MTUS2: variants seen among roughly 807,000 people sequenced by gnomAD.
MTUS2 encodes microtubule-associated tumor suppressor candidate 2.
MTUS2 carries 40 observed loss-of-function variants against 114.1 expected under a neutral mutation model. The observed-to-expected ratio is 0.35, with a 90% CI of 0.27 to 0.46. The LOEUF (loss-of-function observed/expected upper bound fraction) is 0.46, where lower values mean the gene tolerates loss of function less well. Ranked by LOEUF, MTUS2 falls within the 20% of genes least tolerant of loss-of-function variation. MTUS2 has a pLI of 1.00. For missense variants in MTUS2, 1,679 were observed against 1,705.4 expected (o/e 0.98, Z 0.27); for synonymous variants, 688 against 672.0 (o/e 1.02, Z -0.37).
intron 2 of MTUS2, among the ~76,000 whole-genome samples, chr13:28,940,290 A>G (rs1882154907): frequency 6.6e-6 from 1 of 152,238 alleles, no homozygotes; most frequent in Admixed American, 6.5e-5. Context: ...AGCTATAAAA[A>G]GGAATTAGGT....
At chr13:29,492,570 T>C in intron 11 of MTUS2, 76 bp from the exon 12 acceptor site, 1 of 1,219,824 alleles carries the variant, frequency 8.2e-7, no homozygotes, top group Non-Finnish European at 1.2e-6. Context: ...TCACAGGTCT[T>C]AAGTCTGCCA....
chr13:29,469,637 AAAAG>A lies in MTUS2; in HGVS notation c.3185-10494_3185-10491del, dbSNP rs57437952. On this transcript the variant is annotated intron_variant, in intron 9 of 15. Transcript: ENST00000612955. ...GCAAGACTATGTCTCAAAAAAAAAAAAAAGAAAGAAAGAAAGAAAGAAGGCTGGG... is the reference window on the plus strand; with the variant it reads ...GCAAGACTATGTCTCAAAAAAAAAAAAAAGAAAGAAAGAAAGAAGGCTGGG... Among the ~76,000 whole-genome samples the A allele has an allele frequency of 3.8e-3, 560 of 146,690 alleles. 1 individual carries two copies. The highest frequency in any genetic ancestry group is 0.014 in the East Asian group (70 of 5,074).
intron 2 of MTUS2, among the ~76,000 whole-genome samples, chr13:29,013,776 A>ACACT (rs1203861996): frequency 6.6e-6 from 1 of 152,252 alleles, no homozygotes; most frequent in South Asian, 2.1e-4. Flanking sequence ...CTATCCACAC[A>ACACT]CACACACATA....
intron 5 of MTUS2, among the ~76,000 whole-genome samples, chr13:29,156,959 A>G (rs1892887319): frequency 6.6e-6 from 1 of 152,102 alleles, no homozygotes; most frequent in South Asian, 2.1e-4. Context: ...AATATATAGT[A>G]TTGTCTTTAG....
At chr13:29,131,940 C>T (rs1891781943) in intron 5 of MTUS2, among the ~76,000 whole-genome samples, 1 of 152,194 alleles carries the variant, frequency 6.6e-6, no homozygotes. Flanking sequence ...GTGCTGATTT[C>T]CCATTTTAAA....
chr13:29,420,355 G>A (rs1357076773), intron 8 of MTUS2, among the ~76,000 whole-genome samples: 1 of 148,548 alleles, frequency 6.7e-6, no homozygotes, highest in East Asian at 2.0e-4. Flanking sequence ...TCAGCTCAAT[G>A]CAACCTCTGC....
At chr13:28,866,330 G>A (rs1877296134) in intron 2 of MTUS2, among the ~76,000 whole-genome samples, 3 of 152,126 alleles carry the variant, frequency 2.0e-5, no homozygotes, top group Non-Finnish European at 4.4e-5. Context: ...GTGAAATTCA[G>A]GTATCAGAGC....
At chr13:29,372,285 A>G (rs544288862) in intron 8 of MTUS2, among the ~76,000 whole-genome samples, 2 of 152,076 alleles carry the variant, frequency 1.3e-5, no homozygotes, top group South Asian at 4.2e-4. Context: ...CAAAATATCA[A>G]TGCAAAATAG....
chr13:28,905,091 TG>T (rs1338966111), intron 2 of MTUS2, among the ~76,000 whole-genome samples: 2 of 151,670 alleles, frequency 1.3e-5, no homozygotes, highest in East Asian at 3.8e-4. Context: ...TTGTGATTTT[TG>T]TACATTGATT....
chr13:28,936,775 G>A (rs575530414), intron 2 of MTUS2, among the ~76,000 whole-genome samples: 7 of 152,334 alleles, frequency 4.6e-5, no homozygotes, highest in African/African-American at 1.7e-4. Context: ...CTTCTGAGAT[G>A]TTGATCCTGA....
intron 6 of MTUS2, among the ~76,000 whole-genome samples, chr13:29,317,068 T>A (rs1024472710): frequency 1.3e-5 from 2 of 152,228 alleles, no homozygotes. Context: ...CTTTTCATAA[T>A]AATCTTCAGA....
At chr13:28,944,832 T>C (rs4769648) in intron 2 of MTUS2, among the ~76,000 whole-genome samples, 53,442 of 152,062 alleles carry the variant, frequency 0.35, 10,613 homozygotes, top group Non-Finnish European at 0.45. Context: ...TACTGTCTTA[T>C]AACAAATTTG....
chr13:29,343,095 G>C (rs762011847), intron 7 of MTUS2, among the ~76,000 whole-genome samples: 1 of 151,830 alleles, frequency 6.6e-6, no homozygotes, highest in Non-Finnish European at 1.5e-5. Flanking sequence ...ATCTGTGTTC[G>C]TCAGGGAAAT....
Position 29,503,179 on chromosome 13 carries a change from G to T in MTUS2, c.4083G>T (p.Pro1361=), listed in dbSNP as rs200623452. ...GCTCCTCCTCGGGGCCCTCCTCTCC[G>T]GCCAGAGTCAGCACAACACCCAGAT... The part of the protein sequence containing the change: ...YRGSSSGPSS[P]ARVSTTPR Residue 1361 remains proline (P), a synonymous_variant, in exon 16 of 16, where the codon CCG becomes CCT. Coordinates refer to ENST00000612955, the MANE Select transcript of MTUS2 (RefSeq NM_001033602.4). 1.2e-6 allele frequency: 2 copies of T among 1,613,884 alleles called. No individual in the cohort carries two copies. Among genetic ancestry groups the T allele is most frequent in the African/African-American group, 1.3e-5 (1 of 74,908 alleles).
At chr13:29,360,661 T>G (rs1870149743) in intron 8 of MTUS2, among the ~76,000 whole-genome samples, 1 of 148,618 alleles carries the variant, frequency 6.7e-6, no homozygotes, top group Non-Finnish European at 1.5e-5. Flanking sequence ...TGACGTGATC[T>G]GGTAAGCTTG....
chr13:28,867,744 G>T (rs1877386978), intron 2 of MTUS2, among the ~76,000 whole-genome samples: 1 of 152,194 alleles, frequency 6.6e-6, no homozygotes, highest in Non-Finnish European at 1.5e-5. Flanking sequence ...CAGCCATCAT[G>T]AGGATGTTGG....
intron 6 of MTUS2, among the ~76,000 whole-genome samples, chr13:29,299,260 A>G (rs1899085868): frequency 6.6e-6 from 1 of 152,188 alleles, no homozygotes; most frequent in Admixed American, 6.5e-5. Flanking sequence ...TGGCCAGAAG[A>G]AGGAAAGCCA....
chr13:29,501,245 T>C (rs1438872379), intron 15 of MTUS2, 51 bp downstream of exon 15: 1 of 1,405,390 alleles, frequency 7.1e-7, no homozygotes, highest in Non-Finnish European at 1.0e-6. Flanking sequence ...TGAGCTTCTT[T>C]TTGTTGCAAC....
intron 7 of MTUS2, among the ~76,000 whole-genome samples, chr13:29,325,329 G>A (rs1293376347): frequency 1.3e-5 from 2 of 151,794 alleles, no homozygotes; most frequent in Admixed American, 6.6e-5. Flanking sequence ...GATGGCTTTC[G>A]CCTGTAGTCC....
Sources: allele counts gnomAD v4.1 joint callset (sites outside exome capture counted in the v4.1 genomes callset), GRCh38; gene constraint gnomAD v4.1.1; transcripts MANE v1.5; gene names NCBI Gene and HGNC (gene_info 2026-07-23, HGNC 2026-07-21).